The following GPRIN2 variants were observed in gnomAD, a reference collection of about 807,000 sequenced individuals.
GPRIN2 encodes the protein G protein-regulated inducer of neurite outgrowth 2.
In GPRIN2, 1 loss-of-function variant was observed where a neutral mutation model predicts 0.3. That is an observed-to-expected ratio of 3.90 (90% CI 1.39 to 18.51). The LOEUF (loss-of-function observed/expected upper bound fraction) is 18.51, where lower values mean the gene tolerates loss of function less well. GPRIN2 is among the 30% of genes most tolerant of loss of function. The pLI, the probability that GPRIN2 is intolerant of heterozygous loss-of-function variation, is 0.11. For missense variants in GPRIN2, 880 were observed against 604.2 expected (o/e 1.46, Z -4.79); for synonymous variants, 361 against 258.6 (o/e 1.40, Z -3.80).
rs1744761910 is a variant in GPRIN2 at position 46,545,932 on chromosome 10, C to A, written c.*3428G>T. Among the ~76,000 whole-genome samples the A allele has an allele frequency of 6.6e-6, 1 of 152,312 alleles. No homozygotes were observed. The highest frequency in any genetic ancestry group is 2.1e-4 in the South Asian group (1 of 4,838). ...GCTATAGGTGTGGATCCTATATATC[C>A]AGATTCAAACTCCAGCTTTAGCCCA... On this transcript the variant is annotated 3_prime_UTR_variant, in exon 3 of 3. Coordinates refer to ENST00000374314, the MANE Select transcript of GPRIN2 (RefSeq NM_001385282.1).
rs983808403 is a variant in GPRIN2 at position 46,544,791 on chromosome 10, G to A, written c.*4569C>T. ...CCTCCTTCCATGGCCATGGGAAAAA[G>A]GGGTGTGTGCTGTTGGTGTGAGAGA... On this transcript the variant is annotated 3_prime_UTR_variant, in exon 3 of 3. Coordinates refer to ENST00000374314, the MANE Select transcript of GPRIN2 (RefSeq NM_001385282.1). Among the ~76,000 whole-genome samples, 2 of 152,416 alleles carry A rather than the reference G, an allele frequency of 1.3e-5. No individual in the cohort carries two copies. Among genetic ancestry groups the A allele is most frequent in the Admixed American group, 6.5e-5 (1 of 15,312 alleles).
Position 46,549,330 on chromosome 10 carries a change from G to A in GPRIN2, c.*30C>T. 3.4e-6 allele frequency: 5 copies of A among 1,459,556 alleles called. No individual in the cohort carries two copies. Among genetic ancestry groups the A allele is most frequent in the Non-Finnish European group, 4.5e-6 (5 of 1,107,200 alleles). The allele number at this position is 1,459,556 out of a possible 1,614,324, so 90.4% of individuals were successfully genotyped here. On this transcript the variant is annotated 3_prime_UTR_variant, in exon 3 of 3. Transcript: ENST00000374314. ...CCCAGGTCTAGGACTAAGTCAGTGG[G>A]CCCAGGCCAGCTCCAAGGGCCACAG...
rs1345854053 is a variant in GPRIN2, at chr10:46,550,019, C to CCCTCATCTT, written c.717_718insAAGATGAGG (p.Arg239_Glu240insLysMetArg). The CCCTCATCTT allele has an allele frequency of 6.2e-7, 1 of 1,613,904 alleles. No homozygotes were observed. The highest frequency in any genetic ancestry group is 1.3e-5 in the African/African-American group (1 of 74,962). On this transcript the variant is annotated inframe_insertion, in exon 3 of 3. Transcript: ENST00000374314. ...TGGCAGCAGCCACCAGCCCTCACCT[C>CCCTCATCTT]CCTCATGCCACAGAGTAGAGCAGCT...
rs951182412 is a variant in GPRIN2, at chr10:46,544,908, G to A, written c.*4452C>T. Reference sequence around the variant, plus strand: ...TGGGAATCTCACAGACCTATGGGATGTCCCAGTGATATGTCCTGGGCTTCA... The same window carrying A: ...TGGGAATCTCACAGACCTATGGGATATCCCAGTGATATGTCCTGGGCTTCA... On this transcript the variant is annotated 3_prime_UTR_variant, in exon 3 of 3. Transcript: ENST00000374314. 6.6e-6 allele frequency among the ~76,000 whole-genome samples: 1 copy of A among 152,428 alleles called. No individual in the cohort carries two copies. The highest frequency in any genetic ancestry group is 1.5e-5 in the Non-Finnish European group (1 of 68,048).
Position 46,543,506 on chromosome 10 carries a change from G to C in GPRIN2, c.*5854C>G. 6.6e-6 allele frequency among the ~76,000 whole-genome samples: 1 copy of C among 152,310 alleles called. No individual in the cohort carries two copies. Among genetic ancestry groups the C allele is most frequent in the East Asian group, 1.9e-4 (1 of 5,208 alleles). ...GACTGTCCTTGGCTGTGTGCACACA[G>C]AGGTGCTGCAGTCCTGGGGCCATGT... On this transcript the variant is annotated 3_prime_UTR_variant, in exon 3 of 3. Transcript: ENST00000374314.
Position 46,549,858 on chromosome 10 carries a change from A to G in GPRIN2, c.879T>C (p.Cys293=). The change falls in exon 3 of 3, where the codon TGT becomes TGC. Residue 293 remains cysteine, a synonymous_variant. Coordinates refer to ENST00000374314, the MANE Select transcript of GPRIN2 (RefSeq NM_001385282.1). ...ACCCAGCGGGACCCCAAAGGTGGGC[A>G]CAGCAATGGGAATGCCCAGGGAGCC... ...SGGLPGHSHC[C]AHLWGPAGLV... is the part of the protein sequence containing the mutation. The G allele has an allele frequency of 1.2e-6, 2 of 1,614,266 alleles. No individual in the cohort carries two copies. Among genetic ancestry groups the G allele is most frequent in the African/African-American group, 2.7e-5 (2 of 75,090 alleles).
At position 46,549,115 on chromosome 10, in the gene GPRIN2, T is replaced by C; in HGVS notation, c.*245A>G. On this transcript the variant is annotated 3_prime_UTR_variant, in exon 3 of 3. Coordinates refer to ENST00000374314, the MANE Select transcript of GPRIN2 (RefSeq NM_001385282.1). ...CTCTGCACAGTGCTAAAGCCCTGTC[T>C]CAAAGTTCAGAGCCCGGAAGGTGCA... The C allele has an allele frequency of 2.0e-6, 1 of 493,042 alleles. No homozygotes were observed. Among genetic ancestry groups the C allele is most frequent in the Non-Finnish European group, 3.5e-6 (1 of 282,074 alleles). 30.5% of individuals were successfully genotyped at this position (493,042 alleles called of 1,614,324 possible).
rs1832558338 is a variant in GPRIN2 at position 46,549,898 on chromosome 10, C to T, written c.839G>A (p.Cys280Tyr). ...CCCAGGGAGCCCCCCAGACAACCTA[C>T]AGTGGATCTTCACCCCATGCTGAGC... ...LQAQHGVKIHCRLSGGLPGHS... is the reference protein window; with the variant it reads ...LQAQHGVKIHYRLSGGLPGHS... The change falls in exon 3 of 3, where the codon TGT (cysteine) becomes TAT (tyrosine). Residue 280 changes from cysteine (C) to tyrosine (Y), a missense_variant. Coordinates refer to ENST00000374314, the MANE Select transcript of GPRIN2 (RefSeq NM_001385282.1). 2 of 1,614,152 alleles carry T rather than the reference C, an allele frequency of 1.2e-6. No homozygotes were observed. The highest frequency in any genetic ancestry group is 1.3e-5 in the African/African-American group (1 of 74,966).
At chr10:46,556,249 C>T (rs1053473043) in intron 1 of GPRIN2, among the ~76,000 whole-genome samples, 4 of 152,302 alleles carry the variant, frequency 2.6e-5, no homozygotes, top group Non-Finnish European at 5.9e-5. Context: ...GACAGGGTCC[C>T]GGACAGACTT....
chr10:46,549,714 T>C lies in GPRIN2; in HGVS notation c.1023A>G (p.Pro341=). ...TGGCCACAGCCTTGCAGGCCGCCAC[T>C]GGGGCCGCCTGCACACCAGCATCCT... ...SAQDAGVQAA[P]VAACKAVATS... is the part of the protein sequence containing the mutation. Residue 341 remains proline, a synonymous_variant, in exon 3 of 3, where the codon CCA becomes CCG. Transcript: ENST00000374314. The C allele has an allele frequency of 6.2e-6, 10 of 1,613,930 alleles. No homozygotes were observed. Among genetic ancestry groups the C allele is most frequent in the Non-Finnish European group, 8.5e-6 (10 of 1,179,918 alleles).
Position 46,544,746 on chromosome 10 carries a change from C to G in GPRIN2, c.*4614G>C, listed in dbSNP as rs1842010376. On this transcript the variant is annotated 3_prime_UTR_variant, in exon 3 of 3. Transcript: ENST00000374314. ...GAACCAGTTCTGCTGAGAACGAGGA[C>G]TCGAGTCAGGCTATGCTACCCTCCT... Among the ~76,000 whole-genome samples the G allele has an allele frequency of 1.3e-5, 2 of 152,312 alleles. No homozygotes were observed. Among genetic ancestry groups the G allele is most frequent in the African/African-American group, 4.8e-5 (2 of 41,488 alleles).
rs1310350372 is a variant in GPRIN2, at chr10:46,556,590, C to T, written c.-210G>A. ...GCCGCGGCCCAAGATGGAGCCAGAG[C>T]CGACCTGGCCTGGGCGCGAGACGCC... On this transcript the variant is annotated 5_prime_UTR_variant, in exon 1 of 3. Transcript: ENST00000374314. 6.6e-6 allele frequency among the ~76,000 whole-genome samples: 1 copy of T among 152,080 alleles called. No individual in the cohort carries two copies. The highest frequency in any genetic ancestry group is 1.5e-5 in the Non-Finnish European group (1 of 67,986).
At position 46,546,263 on chromosome 10, in the gene GPRIN2, G is replaced by C. The variant is rs1235312948; in HGVS notation, c.*3097C>G. 6.6e-6 allele frequency among the ~76,000 whole-genome samples: 1 copy of C among 152,310 alleles called. No homozygotes were observed. The highest frequency in any genetic ancestry group is 2.4e-5 in the African/African-American group (1 of 41,488). On this transcript the variant is annotated 3_prime_UTR_variant, in exon 3 of 3. Transcript: ENST00000374314. Reference sequence around the variant, plus strand: ...CAGGCCCAGAGGGGACAAGCTATATGAAGAGAGGCTTCAGCTGTCGGGGGT... The same window carrying C: ...CAGGCCCAGAGGGGACAAGCTATATCAAGAGAGGCTTCAGCTGTCGGGGGT...
At position 46,545,156 on chromosome 10, in the gene GPRIN2, T is replaced by C. The variant is rs1489411093; in HGVS notation, c.*4204A>G. 2.0e-5 allele frequency among the ~76,000 whole-genome samples: 3 copies of C among 152,428 alleles called. No individual in the cohort carries two copies. Among genetic ancestry groups the C allele is most frequent in the Admixed American group, 6.5e-5 (1 of 15,314 alleles). ...GTTGGGCATTTGTGGGCTACAAGCT[T>C]GGCATGACATGGATGCAAATGTCAA... On this transcript the variant is annotated 3_prime_UTR_variant, in exon 3 of 3. Transcript: ENST00000374314.
At chr10:46,553,945 C>T (rs1842889049) in intron 2 of GPRIN2, among the ~76,000 whole-genome samples, 1 of 152,308 alleles carries the variant, frequency 6.6e-6, no homozygotes, top group South Asian at 2.1e-4. Context: ...GGAGGGGCCT[C>T]CCAGGGAGCC....
At chr10:46,552,987 A>G (rs1832078637) in intron 2 of GPRIN2, among the ~76,000 whole-genome samples, 2 of 152,428 alleles carry the variant, frequency 1.3e-5, no homozygotes, top group African/African-American at 2.4e-5. Flanking sequence ...AGCGATGATA[A>G]TAACAGCTGC....
chr10:46,556,589 G>A lies in GPRIN2; in HGVS notation c.-209C>T, dbSNP rs1374140957. Among the ~76,000 whole-genome samples the A allele has an allele frequency of 6.6e-6, 1 of 152,186 alleles. No homozygotes were observed. Among genetic ancestry groups the A allele is most frequent in the African/African-American group, 2.4e-5 (1 of 41,560 alleles). Reference sequence around the variant, plus strand: ...TGCCGCGGCCCAAGATGGAGCCAGAGCCGACCTGGCCTGGGCGCGAGACGC... The same window carrying A: ...TGCCGCGGCCCAAGATGGAGCCAGAACCGACCTGGCCTGGGCGCGAGACGC... On this transcript the variant is annotated 5_prime_UTR_variant, in exon 1 of 3. Coordinates refer to ENST00000374314, the MANE Select transcript of GPRIN2 (RefSeq NM_001385282.1).
chr10:46,553,861 G>A (rs1298496421), intron 2 of GPRIN2, among the ~76,000 whole-genome samples: 1 of 152,308 alleles, frequency 6.6e-6, no homozygotes, highest in African/African-American at 2.4e-5. Context: ...CAGAAGGAAG[G>A]AAGGGCTCTG....
rs1841830223 is a variant in GPRIN2, at chr10:46,542,410, T to A, written c.*6950A>T. Among the ~76,000 whole-genome samples, 1 of 152,308 alleles carries A rather than the reference T, an allele frequency of 6.6e-6. No homozygotes were observed. Reference sequence around the variant, plus strand: ...GGAGGTGATGGAATCGTGGGGGCGGTTCCCCCATGCTGTTCTTGTGATAGT... The same window carrying A: ...GGAGGTGATGGAATCGTGGGGGCGGATCCCCCATGCTGTTCTTGTGATAGT... On this transcript the variant is annotated 3_prime_UTR_variant, in exon 3 of 3. Transcript: ENST00000374314.
Sources: allele counts gnomAD v4.1 joint callset (sites outside exome capture counted in the v4.1 genomes callset), GRCh38; gene constraint gnomAD v4.1.1; transcripts MANE v1.5; gene names NCBI Gene and HGNC (gene_info 2026-07-23, HGNC 2026-07-21).